Variants in HK2 observed in about 807,000 individuals in gnomAD.
HK2 encodes the protein hexokinase-2.
A neutral mutation model predicts 92.9 loss-of-function variants in HK2; 42 were observed. The ratio of observed to expected loss-of-function variants is 0.45; its 90% CI spans 0.35 to 0.58. HK2 has a LOEUF of 0.58. Ranked by LOEUF, HK2 falls within the 20% of genes least tolerant of loss-of-function variation. HK2 has a pLI of 0.00. For synonymous variants in HK2, 422 were observed against 468.0 expected (o/e 0.90, Z 1.27); for missense variants, 978 against 1,245.1 (o/e 0.79, Z 3.23).
At chr2:74,851,263 G>A (rs530283898) in intron 1 of HK2, among the ~76,000 whole-genome samples, 3 of 152,350 alleles carry the variant, frequency 2.0e-5, no homozygotes, top group African/African-American at 7.2e-5. Context: ...CGAAGACAAT[G>A]GAGAACAGGT....
At chr2:74,876,432 C>T (rs997863666) in intron 7 of HK2, among the ~76,000 whole-genome samples, 2 of 152,190 alleles carry the variant, frequency 1.3e-5, no homozygotes, top group African/African-American at 4.8e-5. Flanking sequence ...CAGTTCTAGT[C>T]AGAAAGACCA....
At chr2:74,860,282 C>T (rs1688795052) in intron 2 of HK2, among the ~76,000 whole-genome samples, 1 of 152,034 alleles carries the variant, frequency 6.6e-6, no homozygotes. Context: ...CTCACTTCAC[C>T]ATTGTGCAGT....
intron 3 of HK2, 152 bp from the exon 4 acceptor site, chr2:74,872,148 A>G: frequency 1.3e-6 from 1 of 762,440 alleles, no homozygotes; most frequent in Non-Finnish European, 2.3e-6. Context: ...TCCAGTTATA[A>G]TTCCCTTTTT....
intron 10 of HK2, 69 bp downstream of exon 10, chr2:74,880,638 A>T: frequency 6.9e-7 from 1 of 1,454,734 alleles, no homozygotes; most frequent in East Asian, 2.3e-5. Flanking sequence ...CCTGGGAGGG[A>T]TCCCTTAGCA....
At chr2:74,858,373 G>A (rs1298388628) in intron 2 of HK2, among the ~76,000 whole-genome samples, 2 of 152,190 alleles carry the variant, frequency 1.3e-5, no homozygotes, top group African/African-American at 4.8e-5. Context: ...TGGGGTGAGA[G>A]GTGAGAATCA....
Position 74,890,995 on chromosome 2 carries a change from A to G in HK2, c.*54A>G. ...TTTCTCTCCTTCTTCCCTGTTTTAA[A>G]TTATAAGATGTCATCCCCTTGTGTC... On this transcript the variant is annotated 3_prime_UTR_variant, in exon 18 of 18. Coordinates refer to ENST00000290573, the MANE Select transcript of HK2 (RefSeq NM_000189.5). The G allele has an allele frequency of 6.3e-7, 1 of 1,594,766 alleles. No homozygotes were observed. The highest frequency in any genetic ancestry group is 2.2e-5 in the East Asian group (1 of 44,652).
At chr2:74,885,007 T>C (rs537374389) in intron 12 of HK2, among the ~76,000 whole-genome samples, 1 of 152,168 alleles carries the variant, frequency 6.6e-6, no homozygotes, top group African/African-American at 2.4e-5. Context: ...AGACATACAC[T>C]GACCCTTCTG....
chr2:74,890,649 G>A (rs1399470418), intron 17 of HK2, 148 bp from the exon 18 acceptor site: 4 of 959,940 alleles, frequency 4.2e-6, no homozygotes, highest in African/African-American at 1.6e-5. Context: ...TATAGTAAAT[G>A]TTTAATACAT....
At chr2:74,836,724 T>TA (rs1386325597) in intron 1 of HK2, among the ~76,000 whole-genome samples, 3 of 152,234 alleles carry the variant, frequency 2.0e-5, no homozygotes, top group African/African-American at 7.2e-5. Context: ...AGCTGTTTGA[T>TA]TCCAGTGGCA....
At chr2:74,873,967 G>A (rs764346880) in intron 6 of HK2, 24 bp downstream of exon 6, 2 of 1,549,960 alleles carry the variant, frequency 1.3e-6, no homozygotes, top group Non-Finnish European at 8.9e-7. Flanking sequence ...GTGCATGAAG[G>A]GCCCGTGCTG....
chr2:74,879,339 C>T (rs1312061943), intron 9 of HK2, among the ~76,000 whole-genome samples: 3 of 152,338 alleles, frequency 2.0e-5, no homozygotes, highest in Non-Finnish European at 2.9e-5. Flanking sequence ...GCCCTGTCCA[C>T]ATTTTGATCC....
At chr2:74,840,711 C>CAA (rs34885061) in intron 1 of HK2, among the ~76,000 whole-genome samples, 12 of 129,200 alleles carry the variant, frequency 9.3e-5, no homozygotes, top group African/African-American at 3.3e-4. Context: ...ACTAAAAATA[C>CAA]AAAAAAAAAA....
chr2:74,844,343 C>A (rs541108925), intron 1 of HK2, among the ~76,000 whole-genome samples: 1 of 152,270 alleles, frequency 6.6e-6, no homozygotes, highest in East Asian at 1.9e-4. Flanking sequence ...GAACTCTTAT[C>A]ATTTTAGGTG....
chr2:74,862,120 T>G (rs577396684), intron 2 of HK2, among the ~76,000 whole-genome samples: 73 of 152,344 alleles, frequency 4.8e-4, no homozygotes, highest in African/African-American at 1.7e-3. Flanking sequence ...TTGAGCTATC[T>G]CATCATTTCT....
intron 2 of HK2, among the ~76,000 whole-genome samples, chr2:74,854,663 G>T (rs559582051): frequency 9.2e-5 from 14 of 152,332 alleles, no homozygotes; most frequent in Middle Eastern, 3.4e-3. Context: ...GGGCACCTTT[G>T]TCAGCCCTAC....
chr2:74,891,137 T>A lies in HK2; in HGVS notation c.*196T>A. 1 of 613,644 alleles carries A rather than the reference T, an allele frequency of 1.6e-6. No homozygotes were observed. The highest frequency in any genetic ancestry group is 1.9e-5 in the South Asian group (1 of 51,566). The allele number at this position is 613,644 out of a possible 1,614,324, so 38.0% of individuals were successfully genotyped here. A position where few individuals can be genotyped will look rare whatever the true frequency, so the allele number is the denominator to read the frequency against. On this transcript the variant is annotated 3_prime_UTR_variant, in exon 18 of 18. Transcript: ENST00000290573. ...CTTGGCCCTATTAAGATAAATAGAG[T>A]TCCAAATAAGGATTTGTTCACATGC...
At chr2:74,853,712 A>G (rs995782262) in intron 1 of HK2, among the ~76,000 whole-genome samples, 4 of 151,568 alleles carry the variant, frequency 2.6e-5, no homozygotes, top group African/African-American at 9.7e-5. Context: ...AAAAAAAGAT[A>G]AAAAGATTAG....
intron 3 of HK2, among the ~76,000 whole-genome samples, chr2:74,870,554 CTTTTT>C (rs60629948): frequency 1.5e-3 from 190 of 123,186 alleles, no homozygotes; most frequent in African/African-American, 5.7e-3. Context: ...CTGCATCTCC[CTTTTT>C]TTTTTTTTTT....
At chr2:74,873,742 A>AAAGAAG in intron 5 of HK2, 102 bp from the exon 6 acceptor site, 1 of 667,724 alleles carries the variant, frequency 1.5e-6, no homozygotes, top group Non-Finnish European at 2.6e-6. Flanking sequence ...GGGGAGAGAG[A>AAAGAAG]GAGAAGGAGG....
Sources: allele counts gnomAD v4.1 joint callset (sites outside exome capture counted in the v4.1 genomes callset), GRCh38; gene constraint gnomAD v4.1.1; transcripts MANE v1.5; gene names NCBI Gene and HGNC (gene_info 2026-07-23, HGNC 2026-07-21).